Variants in PPWD1 observed in about 807,000 individuals in gnomAD.
PPWD1 encodes peptidylprolyl isomerase domain and WD repeat containing 1.
Under a neutral mutation model 68.8 loss-of-function variants are expected in PPWD1, and 43 were observed. The observed-to-expected ratio is 0.62, with a 90% CI of 0.49 to 0.81. PPWD1 has a LOEUF of 0.81. PPWD1 is among the 30% of genes least tolerant of loss of function. The pLI is 0.00. For missense variants in PPWD1, 672 were observed against 804.8 expected, an observed-to-expected ratio of 0.83 and a Z score of 2.00; for synonymous variants, 232 against 258.7, an observed-to-expected ratio of 0.90 and a Z score of 0.99.
intron 7 of PPWD1, among the ~76,000 whole-genome samples, chr5:65,581,580 T>C (rs1160245998): frequency 6.6e-6 from 1 of 152,174 alleles, no homozygotes; most frequent in Admixed American, 6.5e-5. Flanking sequence ...AGCAAGACCC[T>C]ATTGCTAAAC....
chr5:65,582,838 G>C, intron 7 of PPWD1, 200 bp from the exon 8 acceptor site: 1 of 612,652 alleles, frequency 1.6e-6, no homozygotes, highest in East Asian at 3.6e-5. Flanking sequence ...AGTATGTTAT[G>C]TGGATCCTTT....
At chr5:65,570,831 A>T (rs1752980002) in intron 4 of PPWD1, among the ~76,000 whole-genome samples, 1 of 152,086 alleles carries the variant, frequency 6.6e-6, no homozygotes, top group Admixed American at 6.5e-5. Context: ...CCTGACTCTT[A>T]TGAGCTCATT....
At chr5:65,572,760 A>C (rs1304727079) in intron 5 of PPWD1, among the ~76,000 whole-genome samples, 1 of 152,074 alleles carries the variant, frequency 6.6e-6, no homozygotes, top group Non-Finnish European at 1.5e-5. Context: ...TAACTCTTTT[A>C]CCCTTCTGTG....
At chr5:65,584,957 A>T (rs1753762765) in intron 8 of PPWD1, 57 bp from the exon 9 acceptor site, 1 of 1,574,624 alleles carries the variant, frequency 6.4e-7, no homozygotes, top group Non-Finnish European at 8.6e-7. Flanking sequence ...AACTGCAAAG[A>T]AAACTGTTTT....
intron 6 of PPWD1, 84 bp from the exon 7 acceptor site, chr5:65,579,340 G>A: frequency 7.2e-7 from 1 of 1,383,492 alleles, no homozygotes; most frequent in Non-Finnish European, 9.4e-7. Flanking sequence ...TAAGATAGTT[G>A]ATTCCCAGCT....
chr5:65,572,739 A>G (rs1483010388), intron 5 of PPWD1, among the ~76,000 whole-genome samples: 1 of 152,120 alleles, frequency 6.6e-6, no homozygotes, highest in Non-Finnish European at 1.5e-5. Context: ...CAGAAATCTA[A>G]GAGTTATCCT....
At chr5:65,576,211 C>T (rs1753272735) in intron 5 of PPWD1, 1 of 521,448 alleles carries the variant, frequency 1.9e-6, no homozygotes, top group South Asian at 8.4e-5. Flanking sequence ...TGTTACTAGA[C>T]ACTTTAAAAT....
intron 4 of PPWD1, chr5:65,570,243 T>C: frequency 1.1e-6 from 1 of 926,376 alleles, no homozygotes; most frequent in Non-Finnish European, 1.3e-6. Flanking sequence ...TATATCCAAA[T>C]TGACATTACT....
chr5:65,576,343 TA>T, intron 5 of PPWD1: 1 of 983,146 alleles, frequency 1.0e-6, no homozygotes, highest in Non-Finnish European at 1.2e-6. Flanking sequence ...TGTTTTAAAT[TA>T]GAAGAACCAG....
At position 65,577,019 on chromosome 5, in the gene PPWD1, G is replaced by T. The variant is rs746997876; in HGVS notation, c.1110G>T (p.Val370=). ...NIVFDETGHF[V]LYGTMLGIKV... ...TTTTTGATGAAACTGGACACTTCGT[G>T]CTGTATGGAACAATGCTGGGCATTA... The change falls in exon 6 of 11, where the codon GTG becomes GTT. Residue 370 remains valine, a synonymous_variant. Transcript: ENST00000261308. 2.5e-6 allele frequency: 4 copies of T among 1,614,124 alleles called. No homozygotes were observed. The Admixed American group carries it at 6.7e-5, about 27-fold the overall frequency.
intron 1 of PPWD1, among the ~76,000 whole-genome samples, chr5:65,564,146 G>T (rs1357085218): frequency 1.3e-5 from 2 of 152,090 alleles, no homozygotes; most frequent in South Asian, 2.1e-4. Context: ...CAAATAAAAG[G>T]GGTGGGAAAA....
chr5:65,582,488 A>G (rs1175061806), intron 7 of PPWD1: 1 of 152,252 alleles, frequency 6.6e-6, no homozygotes, highest in East Asian at 1.9e-4. Flanking sequence ...AACTGTTAAT[A>G]TGTATATAGT....
intron 1 of PPWD1, among the ~76,000 whole-genome samples, chr5:65,566,906 G>C (rs1752802265): frequency 6.6e-6 from 1 of 150,812 alleles, no homozygotes; most frequent in African/African-American, 2.4e-5. Flanking sequence ...TACTCTTTCA[G>C]GTGGATTTTT....
intron 6 of PPWD1, among the ~76,000 whole-genome samples, chr5:65,577,831 C>T (rs951565678): frequency 6.6e-6 from 1 of 152,226 alleles, no homozygotes; most frequent in Non-Finnish European, 1.5e-5. Context: ...TCCCCATTAT[C>T]AACGTCCCCC....
chr5:65,581,901 A>G (rs936537679), intron 7 of PPWD1, among the ~76,000 whole-genome samples: 1 of 152,234 alleles, frequency 6.6e-6, no homozygotes, highest in African/African-American at 2.4e-5. Flanking sequence ...ATGAAATAAA[A>G]GTATAATTTT....
At chr5:65,584,922 G>A in intron 8 of PPWD1, 92 bp from the exon 9 acceptor site, 1 of 1,477,204 alleles carries the variant, frequency 6.8e-7, no homozygotes, top group South Asian at 1.4e-5. Context: ...AGAAGACATG[G>A]AAAGGAAACA....
At chr5:65,570,290 T>G (rs1257182712) in intron 4 of PPWD1, 20 of 895,724 alleles carry the variant, frequency 2.2e-5, no homozygotes, top group Non-Finnish European at 2.7e-5. Flanking sequence ...ATCTAATTAC[T>G]GGTAGTTACA....
rs1752945889 is a variant in PPWD1, at chr5:65,569,964, G to C, written c.487G>C (p.Val163Leu). 6.2e-7 allele frequency: 1 copy of C among 1,612,084 alleles called. No homozygotes were observed. The highest frequency in any genetic ancestry group is 1.3e-5 in the African/African-American group (1 of 74,846). ...DDKAMKVFDV[V>L]NFDMINMLKL... ...TAAAGCAATGAAGGTGTTTGATGTA[G>C]TGAACTTTGACATGATCAACATGCT... The change falls in exon 4 of 11, where the codon GTG becomes CTG. Residue 163 changes from valine (V) to leucine (L), a missense_variant. Physicochemically the swap from Val to Leu is conservative, Grantham distance 32. Coordinates refer to ENST00000261308, the MANE Select transcript of PPWD1 (RefSeq NM_015342.4).
rs201295161 is a variant in PPWD1, at chr5:65,573,476, T to TATATATATATATATATA, written c.969+1190_969+1191insATATATATATATATATA. ...CTTAGCTAATATATATATATATATA[T>TATATATATATATATATA]TTTTTTTTTATTAGAGATGGGTTTT... On this transcript the variant is annotated intron_variant, in intron 5 of 10. Transcript: ENST00000261308. Among the ~76,000 whole-genome samples the TATATATATATATATATA allele has an allele frequency of 1.2e-3, 70 of 59,636 alleles. 3 individuals are homozygous for TATATATATATATATATA. Among genetic ancestry groups the TATATATATATATATATA allele is most frequent in the South Asian group, 3.5e-3 (5 of 1,426 alleles). 39.1% of individuals were successfully genotyped at this position (59,636 alleles called of 152,430 possible).
Sources: gnomAD v4.1 joint callset for allele counts (sites outside exome capture counted in the v4.1 genomes callset) on GRCh38, gnomAD v4.1.1 for gene constraint, MANE v1.5 for transcripts, NCBI Gene and HGNC (gene_info 2026-07-23, HGNC 2026-07-21) for gene names.